Variants in TMCC1 observed in about 807,000 individuals in gnomAD.
TMCC1 encodes transmembrane and coiled-coil domains protein 1.
A neutral mutation model predicts 52.4 loss-of-function variants in TMCC1; 15 were observed. The observed-to-expected ratio is 0.29, with a 90% CI of 0.19 to 0.44. TMCC1 has a LOEUF of 0.44. Among genes scored for constraint, TMCC1 ranks in the 20% least tolerant of loss-of-function variants. The probability of loss-of-function intolerance (pLI) is 1.00; values close to 1 mark genes in which losing one functional copy is unlikely to be tolerated. For synonymous variants in TMCC1, 279 were observed against 301.9 expected, an observed-to-expected ratio of 0.92 and a Z score of 0.79; for missense variants, 503 against 806.0, an observed-to-expected ratio of 0.62 and a Z score of 4.55.
chr3:129,879,427 C>T (rs1393208117), intron 2 of TMCC1, among the ~76,000 whole-genome samples: 1 of 151,978 alleles, frequency 6.6e-6, no homozygotes, highest in Non-Finnish European at 1.5e-5. Context: ...GGCAACAGAA[C>T]AAGACGTTGT....
chr3:129,849,877 T>C (rs2059837675), intron 2 of TMCC1, among the ~76,000 whole-genome samples: 1 of 79,580 alleles, frequency 1.3e-5, no homozygotes, highest in Non-Finnish European at 4.9e-5. Flanking sequence ...TTACATTTAA[T>C]TCAAGATTAT....
rs1417850474 is a variant in TMCC1 at position 129,893,481 on chromosome 3, G to A, written c.-435+13C>T. The A allele has an allele frequency of 6.6e-6, 1 of 152,026 alleles. No homozygotes were observed. Among genetic ancestry groups the A allele is most frequent in the African/African-American group, 2.4e-5 (1 of 41,394 alleles). 9.4% of individuals were successfully genotyped at this position (152,026 alleles called of 1,614,324 possible). A position where few individuals can be genotyped will look rare whatever the true frequency, so the allele number is the denominator to read the frequency against. ...GACCGCCGCCAGCGTCCGGGGCGGGGGCGCTCACTCACCGGCGGGGAGGGG... is the reference window on the plus strand; with the variant it reads ...GACCGCCGCCAGCGTCCGGGGCGGGAGCGCTCACTCACCGGCGGGGAGGGG... On this transcript the variant is annotated intron_variant, in intron 1 of 6. Coordinates refer to ENST00000393238, the MANE Select transcript of TMCC1 (RefSeq NM_001017395.5).
At chr3:129,829,270 A>G (rs2058795837) in intron 3 of TMCC1, among the ~76,000 whole-genome samples, 1 of 152,170 alleles carries the variant, frequency 6.6e-6, no homozygotes, top group Non-Finnish European at 1.5e-5. Flanking sequence ...GTCATCCCTG[A>G]CAGAAGCTTC....
chr3:129,742,873 TA>T (rs1361647228), intron 4 of TMCC1, among the ~76,000 whole-genome samples: 1 of 152,134 alleles, frequency 6.6e-6, no homozygotes, highest in Non-Finnish European at 1.5e-5. Flanking sequence ...ATGTGCTAAA[TA>T]AAAGTAGCCA....
At chr3:129,847,288 T>C (rs1481871837) in intron 2 of TMCC1, 1 of 152,174 alleles carries the variant, frequency 6.6e-6, no homozygotes, top group African/African-American at 2.4e-5. Context: ...TCCAGTGAAG[T>C]GATAATAATT....
rs1430412818 is a variant in TMCC1, at chr3:129,648,005, AAC to A, written c.*3474_*3475del. The A allele has an allele frequency of 1.3e-5, 2 of 152,656 alleles. No individual in the cohort carries two copies. Among genetic ancestry groups the A allele is most frequent in the East Asian group, 1.9e-4 (1 of 5,196 alleles). 9.5% of individuals were successfully genotyped at this position (152,656 alleles called of 1,614,324 possible). ...TTTTTATTCTTACACACTTTGATAA[AAC>A]ACACAGTCTAGTAGTCAATCCCTAC... On this transcript the variant is annotated 3_prime_UTR_variant, in exon 7 of 7. Coordinates refer to ENST00000393238, the MANE Select transcript of TMCC1 (RefSeq NM_001017395.5).
At chr3:129,777,323 G>C (rs1314052125) in intron 4 of TMCC1, among the ~76,000 whole-genome samples, 3 of 152,120 alleles carry the variant, frequency 2.0e-5, no homozygotes, top group Non-Finnish European at 2.9e-5. Flanking sequence ...AAGCATACTA[G>C]AGCAATTTAG....
chr3:129,663,153 T>C (rs1431705635), intron 5 of TMCC1, among the ~76,000 whole-genome samples: 2 of 152,254 alleles, frequency 1.3e-5, no homozygotes, highest in South Asian at 2.1e-4. Context: ...TACTGATGAA[T>C]GGGAGCCTGG....
At chr3:129,721,948 T>C (rs1224661484) in intron 4 of TMCC1, among the ~76,000 whole-genome samples, 6 of 152,234 alleles carry the variant, frequency 3.9e-5, no homozygotes, top group Non-Finnish European at 8.8e-5. Context: ...ACCCTATCTA[T>C]AGCAGTTTTA....
chr3:129,711,338 A>G (rs2048667876), intron 4 of TMCC1, among the ~76,000 whole-genome samples: 1 of 152,238 alleles, frequency 6.6e-6, no homozygotes, highest in African/African-American at 2.4e-5. Context: ...ATTTAAAAGT[A>G]TACATATACA....
chr3:129,867,758 C>T (rs2060720427), intron 2 of TMCC1, among the ~76,000 whole-genome samples: 1 of 152,072 alleles, frequency 6.6e-6, no homozygotes, highest in Admixed American at 6.6e-5. Flanking sequence ...GACTTTAAGG[C>T]CATAGTAGAA....
intron 4 of TMCC1, among the ~76,000 whole-genome samples, chr3:129,782,379 A>ACCTT (rs908315962): frequency 6.6e-6 from 1 of 152,140 alleles, no homozygotes; most frequent in African/African-American, 2.4e-5. Flanking sequence ...CCTGGAAGGC[A>ACCTT]AGTGAATAAA....
chr3:129,713,299 G>A (rs1014116341), intron 4 of TMCC1, among the ~76,000 whole-genome samples: 1 of 151,952 alleles, frequency 6.6e-6, no homozygotes, highest in Non-Finnish European at 1.5e-5. Flanking sequence ...TTAATTTAGT[G>A]GATAACAGTA....
chr3:129,775,529 C>CA (rs2054969846), intron 4 of TMCC1, among the ~76,000 whole-genome samples: 1 of 152,076 alleles, frequency 6.6e-6, no homozygotes, highest in Admixed American at 6.6e-5. Flanking sequence ...ACTGGGTACA[C>CA]ATCGTGGGTA....
At position 129,659,863 on chromosome 3, in the gene TMCC1, T is replaced by C. The variant is rs1017951936; in HGVS notation, c.1512-4760A>G. On this transcript the variant is annotated intron_variant, in intron 5 of 6. Transcript: ENST00000393238. Reference sequence around the variant, plus strand: ...ATCCCAGCTCTGCAACTCGCTAGCTTGGGTGATCCTTTTCATCCTCTATAA... The same window carrying C: ...ATCCCAGCTCTGCAACTCGCTAGCTCGGGTGATCCTTTTCATCCTCTATAA... 4.6e-5 allele frequency among the ~76,000 whole-genome samples: 7 copies of C among 152,178 alleles called. No individual in the cohort carries two copies. In the South Asian group the frequency reaches 1.2e-3, roughly 27 times the overall value.
intron 4 of TMCC1, among the ~76,000 whole-genome samples, chr3:129,726,998 T>C (rs147923647): frequency 6.7e-6 from 1 of 148,880 alleles, no homozygotes; most frequent in Non-Finnish European, 1.5e-5. Flanking sequence ...AGATCTAGAA[T>C]CCACATGTAC....
At chr3:129,737,192 C>T (rs761547268) in intron 4 of TMCC1, among the ~76,000 whole-genome samples, 1 of 152,068 alleles carries the variant, frequency 6.6e-6, no homozygotes, top group African/African-American at 2.4e-5. Flanking sequence ...GGGGGCCGGG[C>T]GTGGTGGCTC....
intron 4 of TMCC1, among the ~76,000 whole-genome samples, chr3:129,765,467 T>C (rs1301972911): frequency 6.6e-6 from 1 of 152,118 alleles, no homozygotes; most frequent in Non-Finnish European, 1.5e-5. Flanking sequence ...AGCTTTATAG[T>C]CTTTACCATA....
rs2057045443 is a variant in TMCC1 at position 129,799,418 on chromosome 3, T to TG, written c.576+28384dup. Among the ~76,000 whole-genome samples, 3 of 152,214 alleles carry TG rather than the reference T, an allele frequency of 2.0e-5. No individual in the cohort carries two copies. The South Asian group carries it at 6.2e-4, about 31-fold the overall frequency. On this transcript the variant is annotated intron_variant, in intron 4 of 6. Transcript: ENST00000393238. Reference sequence around the variant, plus strand: ...CTCAAGGTTGTTGCCTATTCTGTAATGGTATTTTTCAGAGATGGCATTTCC... The same window carrying TG: ...CTCAAGGTTGTTGCCTATTCTGTAATGGGTATTTTTCAGAGATGGCATTTCC...
Sources: allele counts gnomAD v4.1 joint callset (sites outside exome capture counted in the v4.1 genomes callset), GRCh38; gene constraint gnomAD v4.1.1; transcripts MANE v1.5; gene names NCBI Gene and HGNC (gene_info 2026-07-23, HGNC 2026-07-21).